The following PBX1 variants were observed in gnomAD, a reference collection of about 807,000 sequenced individuals.
PBX1 encodes pre-B-cell leukemia transcription factor 1.
Under a neutral mutation model 53.4 loss-of-function variants are expected in PBX1, and 6 were observed. The observed-to-expected ratio is 0.11, with a 90% CI of 0.06 to 0.22. PBX1 has a LOEUF of 0.22. PBX1 is among the 10% of genes least tolerant of loss of function. PBX1 has a pLI of 1.00. For missense variants in PBX1, 251 were observed against 551.4 expected, an observed-to-expected ratio of 0.46 and a Z score of 5.46; for synonymous variants, 204 against 212.3, an observed-to-expected ratio of 0.96 and a Z score of 0.34.
At chr1:164,853,628 T>C (rs1289741311), downstream of PBX1, among the ~76,000 whole-genome samples, 1 of 151,754 alleles carries the variant, frequency 6.6e-6, no homozygotes, top group Non-Finnish European at 1.5e-5. Flanking sequence ...TTTCCGACGT[T>C]CTCCAAATGT....
chr1:164,684,808 T>C (rs1009085294), intron 2 of PBX1: 1 of 152,226 alleles, frequency 6.6e-6, no homozygotes, highest in African/African-American at 2.4e-5. Context: ...ACGATAGCAC[T>C]TCTTTGTTCC....
chr1:164,827,235 G>A (rs1051053479), intron 8 of PBX1, among the ~76,000 whole-genome samples: 2 of 152,140 alleles, frequency 1.3e-5, no homozygotes, highest in African/African-American at 4.8e-5. Context: ...TGTAAGGCTG[G>A]GAACTGAGGG....
At chr1:164,812,871 C>CA (rs1258238681) in intron 6 of PBX1, 1 of 152,080 alleles carries the variant, frequency 6.6e-6, no homozygotes, top group South Asian at 2.1e-4. Flanking sequence ...GTTAATAATG[C>CA]AAAAAATATA....
chr1:164,579,433 T>C (rs1212533803), intron 2 of PBX1, among the ~76,000 whole-genome samples: 1 of 152,114 alleles, frequency 6.6e-6, no homozygotes, highest in African/African-American at 2.4e-5. Context: ...CCTGTCTCCT[T>C]AAGGTTTGTG....
chr1:164,625,970 T>C, intron 2 of PBX1: 1 of 1,040,228 alleles, frequency 9.6e-7, no homozygotes, highest in African/African-American at 1.7e-5. Context: ...CTCATTGTTC[T>C]TTTTGGTGAC....
In PBX1 at chr1:164,683,289, A is replaced by C. The variant is rs148219701; in HGVS notation, c.266-109205A>C. 28 of 152,302 alleles carry C rather than the reference A, an allele frequency of 1.8e-4. 1 individual carries two copies. Among genetic ancestry groups the C allele is most frequent in the African/African-American group, 6.0e-4 (25 of 41,562 alleles). 9.4% of individuals were successfully genotyped at this position (152,302 alleles called of 1,614,324 possible). On this transcript the variant is annotated intron_variant, in intron 2 of 8. Coordinates refer to ENST00000420696, the MANE Select transcript of PBX1 (RefSeq NM_002585.4). ...CCCATTTTACAGAAGAAGAAACCCA[A>C]AATTGCAAGGAATTTGCCTAAGGTC...
intron 2 of PBX1, among the ~76,000 whole-genome samples, chr1:164,768,850 T>A (rs1667215305): frequency 6.7e-6 from 1 of 149,182 alleles, no homozygotes; most frequent in Non-Finnish European, 1.5e-5. Flanking sequence ...GGCCAGTAGT[T>A]CAAGCCCAGC....
rs184060343 is a variant in PBX1, at chr1:164,719,548, G to T, written c.266-72946G>T. On this transcript the variant is annotated intron_variant, in intron 2 of 8. Transcript: ENST00000420696. ...GGGGGCCTTTTTAATATTTGTGCAT[G>T]CTCTGAATCAGAATTTCTGGATACG... 1.8e-4 allele frequency among the ~76,000 whole-genome samples: 27 copies of T among 152,264 alleles called. No individual in the cohort carries two copies. The East Asian group carries it at 3.5e-3, about 20-fold the overall frequency.
At chr1:164,566,549 C>T (rs1209051293) in intron 2 of PBX1, among the ~76,000 whole-genome samples, 1 of 152,032 alleles carries the variant, frequency 6.6e-6, no homozygotes, top group Non-Finnish European at 1.5e-5. Flanking sequence ...TCCTTGTCTT[C>T]TGGCATATTA....
chr1:164,690,182 G>C (rs967440291), intron 2 of PBX1, among the ~76,000 whole-genome samples: 3 of 152,132 alleles, frequency 2.0e-5, no homozygotes, highest in African/African-American at 7.2e-5. Context: ...GTGTCTGGAG[G>C]CCGCAGATTT....
At chr1:164,619,781 T>G (rs796696428) in intron 2 of PBX1, among the ~76,000 whole-genome samples, 4 of 152,290 alleles carry the variant, frequency 2.6e-5, no homozygotes, top group African/African-American at 9.6e-5. Context: ...AAAAATCCTG[T>G]TTTTAGATCC....
At chr1:164,649,291 T>C (rs1361136687) in intron 2 of PBX1, among the ~76,000 whole-genome samples, 3 of 152,226 alleles carry the variant, frequency 2.0e-5, no homozygotes, top group Admixed American at 2.0e-4. Flanking sequence ...TAAAGCACTT[T>C]TATTAATGGA....
intron 8 of PBX1, among the ~76,000 whole-genome samples, chr1:164,844,426 TTATC>T (rs2102416143): frequency 6.6e-6 from 1 of 152,274 alleles, no homozygotes; most frequent in East Asian, 1.9e-4. Flanking sequence ...GTCTGTCTAC[TTATC>T]TATCTATCTA....
At chr1:164,786,725 G>GCA (rs1553246263) in intron 2 of PBX1, among the ~76,000 whole-genome samples, 22 of 143,146 alleles carry the variant, frequency 1.5e-4, no homozygotes, top group African/African-American at 4.6e-4. Context: ...GTGTGTGCGC[G>GCA]CGCACACACA....
At chr1:164,838,804 G>A (rs1671162282) in intron 8 of PBX1, among the ~76,000 whole-genome samples, 1 of 152,146 alleles carries the variant, frequency 6.6e-6, no homozygotes, top group Admixed American at 6.6e-5. Flanking sequence ...AAGCCATCCA[G>A]TATTCACAGG....
At chr1:164,806,809 G>T (rs188400697) in intron 4 of PBX1, among the ~76,000 whole-genome samples, 1 of 152,344 alleles carries the variant, frequency 6.6e-6, no homozygotes, top group Non-Finnish European at 1.5e-5. Context: ...CCAAGTTGTA[G>T]CAGCTGCCAC....
chr1:164,858,424 C>T (rs1306556561), intron 2 of PBX1, among the ~76,000 whole-genome samples: 1 of 148,640 alleles, frequency 6.7e-6, no homozygotes, highest in Non-Finnish European at 1.5e-5. Context: ...TGATAAAATG[C>T]TCTGTCACCA....
chr1:164,689,921 G>C (rs1662362221), intron 2 of PBX1, among the ~76,000 whole-genome samples: 1 of 151,736 alleles, frequency 6.6e-6, no homozygotes, highest in Non-Finnish European at 1.5e-5. Flanking sequence ...CTCTCCCTAA[G>C]TGCCAAATGT....
chr1:164,613,707 T>C (rs890896677), intron 2 of PBX1, among the ~76,000 whole-genome samples: 2 of 152,178 alleles, frequency 1.3e-5, no homozygotes, highest in African/African-American at 2.4e-5. Flanking sequence ...TAAGTACTTT[T>C]TGGTGACAAC....
Sources: gnomAD v4.1 joint callset for allele counts (sites outside exome capture counted in the v4.1 genomes callset) on GRCh38, gnomAD v4.1.1 for gene constraint, MANE v1.5 for transcripts, NCBI Gene and HGNC (gene_info 2026-07-23, HGNC 2026-07-21) for gene names.